Variants in SCHIP1 observed in about 807,000 individuals in gnomAD.
SCHIP1 encodes schwannomin-interacting protein 1.
SCHIP1 carries 8 observed loss-of-function variants against 29.7 expected under a neutral mutation model. The observed-to-expected ratio is 0.27, with a 90% confidence interval of 0.16 to 0.49. SCHIP1 has a LOEUF of 0.49. SCHIP1 is among the 20% of genes least tolerant of loss of function. The pLI is 0.99. For missense variants in SCHIP1, 193 were observed against 294.6 expected (o/e 0.66, Z 2.52); for synonymous variants, 76 against 94.9 (o/e 0.80, Z 1.16).
the SCHIP1 span, among the ~76,000 whole-genome samples, chr3:159,497,393 G>C: frequency 6.6e-6 from 1 of 151,882 alleles, no homozygotes; most frequent in Non-Finnish European, 1.5e-5. Context: ...TAACAGTTAA[G>C]TGTTTATTGA....
the SCHIP1 span, among the ~76,000 whole-genome samples, chr3:159,439,970 T>C: frequency 1.3e-5 from 2 of 152,166 alleles, no homozygotes; most frequent in African/African-American, 4.8e-5. Flanking sequence ...TCATGAAATC[T>C]TTGCCCATGC....
the SCHIP1 span, chr3:159,808,352 G>T: frequency 6.6e-6 from 1 of 152,098 alleles, no homozygotes; most frequent in African/African-American, 2.4e-5. Flanking sequence ...ACCCTAATTT[G>T]CCTGGAATCA....
chr3:159,431,999 G>A, the SCHIP1 span, among the ~76,000 whole-genome samples: 45 of 151,888 alleles, frequency 3.0e-4, no homozygotes, highest in African/African-American at 1.1e-3. Flanking sequence ...AAAAGCAGTA[G>A]TATAAAACTA....
the SCHIP1 span, among the ~76,000 whole-genome samples, chr3:159,394,679 T>G: frequency 6.6e-6 from 1 of 152,278 alleles, no homozygotes; most frequent in Admixed American, 6.5e-5. Flanking sequence ...TTGATCATGG[T>G]GGATAAGCTT....
At chr3:159,866,604 G>C (rs1714656649) in intron 2 of SCHIP1, among the ~76,000 whole-genome samples, 1 of 152,068 alleles carries the variant, frequency 6.6e-6, no homozygotes. Context: ...TATGATTAGA[G>C]ACATGTGGCA....
At chr3:159,613,421 T>C in the SCHIP1 span, among the ~76,000 whole-genome samples, 1 of 152,204 alleles carries the variant, frequency 6.6e-6, no homozygotes, top group African/African-American at 2.4e-5. Flanking sequence ...GTCAAGTAAA[T>C]AATCAATAGG....
At chr3:159,694,592 GAAAGA>G in the SCHIP1 span, among the ~76,000 whole-genome samples, 1 of 136,092 alleles carries the variant, frequency 7.3e-6, no homozygotes, top group Non-Finnish European at 1.7e-5. Context: ...AAGAAAGAAA[GAAAGA>G]AAGAAAGAAA....
the SCHIP1 span, among the ~76,000 whole-genome samples, chr3:159,681,154 G>T: frequency 6.6e-6 from 1 of 151,998 alleles, no homozygotes; most frequent in African/African-American, 2.4e-5. Flanking sequence ...CAGCAAGTGA[G>T]GGATACACAG....
At chr3:159,764,086 G>C in the SCHIP1 span, 540 of 216,476 alleles carry the variant, frequency 2.5e-3, no homozygotes, top group Non-Finnish European at 4.1e-3. The surrounding 1 kb of genome is among the most constrained non-coding windows in gnomAD (Gnocchi z 6.1). Context: ...AAAGTGTCTG[G>C]TTCTCGGAGA....
At chr3:159,273,534 A>G in the SCHIP1 span, 2 of 1,196,396 alleles carry the variant, frequency 1.7e-6, no homozygotes, top group African/African-American at 1.6e-5. Context: ...TGTGTGTTTT[A>G]TCAATTTGAA....
chr3:159,811,030 T>A, the SCHIP1 span, among the ~76,000 whole-genome samples: 1 of 152,218 alleles, frequency 6.6e-6, no homozygotes. Context: ...CTCCTTGTAG[T>A]TTTAATTTTC....
the SCHIP1 span, among the ~76,000 whole-genome samples, chr3:159,680,606 T>TA: frequency 1.7e-4 from 17 of 98,612 alleles, no homozygotes; most frequent in Non-Finnish European, 2.8e-4. Context: ...ATAATATATA[T>TA]TATATATGTA....
At chr3:159,424,100 G>A in the SCHIP1 span, among the ~76,000 whole-genome samples, 1 of 147,520 alleles carries the variant, frequency 6.8e-6, no homozygotes, top group Non-Finnish European at 1.5e-5. Context: ...GGAAAAAACA[G>A]AGCAGAAAAA....
the SCHIP1 span, among the ~76,000 whole-genome samples, chr3:159,332,082 C>T: frequency 2.0e-5 from 3 of 152,162 alleles, no homozygotes; most frequent in East Asian, 5.8e-4. Context: ...GCTTTGCTTG[C>T]TCACATTTCT....
chr3:159,608,569 A>G, the SCHIP1 span, among the ~76,000 whole-genome samples: 1 of 152,234 alleles, frequency 6.6e-6, no homozygotes, highest in African/African-American at 2.4e-5. Context: ...ATGCTGTAAA[A>G]TAAATCCAAC....
the SCHIP1 span, among the ~76,000 whole-genome samples, chr3:159,383,235 T>C: frequency 4.9e-4 from 74 of 151,662 alleles, no homozygotes; most frequent in African/African-American, 1.4e-3. Context: ...GTTTTTATGG[T>C]TTTAGGTCTA....
chr3:159,394,244 A>G, the SCHIP1 span, among the ~76,000 whole-genome samples: 2 of 150,938 alleles, frequency 1.3e-5, no homozygotes, highest in East Asian at 1.9e-4. Context: ...TAGATATACA[A>G]TCATGTCGTC....
chr3:159,878,649 G>A lies in SCHIP1; in HGVS notation c.150-7558G>A, dbSNP rs1341313509. 5.9e-4 allele frequency among the ~76,000 whole-genome samples: 88 copies of A among 148,810 alleles called. 1 individual carries two copies. Among genetic ancestry groups the A allele is most frequent in the African/African-American group, 2.0e-3 (83 of 40,894 alleles). ...AAAAATTAGCCGGGCGTAGTGGCGG[G>A]CGCCTGTAGTCCCAGCTACTTGGGA... On this transcript the variant is annotated intron_variant, in intron 2 of 6. Coordinates refer to ENST00000445224, the Ensembl canonical transcript of SCHIP1.
chr3:159,850,153 T>A (rs780491370), intron 1 of SCHIP1, among the ~76,000 whole-genome samples: 1 of 152,198 alleles, frequency 6.6e-6, no homozygotes, highest in Non-Finnish European at 1.5e-5. Context: ...AGAAGAGATA[T>A]GCGACAATAC....
Sources: allele counts gnomAD v4.1 joint callset (sites outside exome capture counted in the v4.1 genomes callset), GRCh38; gene constraint gnomAD v4.1.1; non-coding constraint Gnocchi (gnomAD v3.1); transcripts MANE v1.5; gene names NCBI Gene and HGNC (gene_info 2026-07-23, HGNC 2026-07-21).